Variants in CDK11A observed in about 807,000 individuals in gnomAD.
CDK11A encodes the protein cyclin dependent kinase 11A, also known as cyclin-dependent kinase 11A.
Under a neutral mutation model 83.6 loss-of-function variants are expected in CDK11A, and 55 were observed. That is an observed-to-expected ratio of 0.66 (90% confidence interval 0.53 to 0.82). The LOEUF is 0.82. Ranked by LOEUF, CDK11A falls within the 40% of genes least tolerant of loss-of-function variation. The pLI is 0.00. For missense variants in CDK11A, 564 were observed against 810.1 expected (o/e 0.70, Z 3.69); for synonymous variants, 247 against 302.7 (o/e 0.82, Z 1.91).
intron 3 of CDK11A, among the ~76,000 whole-genome samples, chr1:1,719,672 G>A (rs1405080154): frequency 7.2e-6 from 1 of 138,304 alleles, no homozygotes; most frequent in African/African-American, 2.7e-5. Context: ...CTGGAGTGTA[G>A]ACACGCGATC....
intron 9 of CDK11A, among the ~76,000 whole-genome samples, 167 bp downstream of exon 9, chr1:1,708,627 C>G (rs1414605403): frequency 7.6e-6 from 1 of 132,326 alleles, no homozygotes; most frequent in East Asian, 2.2e-4. Context: ...GGCAACAGAT[C>G]AAGATTCCAT....
chr1:1,703,979 C>T lies in CDK11A; in HGVS notation c.1795-39G>A, dbSNP rs193244886. On this transcript the variant is annotated intron_variant, in intron 16 of 19. Coordinates refer to ENST00000404249, the MANE Select transcript of CDK11A (RefSeq NM_024011.4). ...AGAGGTGTTCAGGAAGGCCAGTGCC[C>T]GCGAAGCTGTGGGAGGCTGCATGGG... The T allele has an allele frequency of 9.3e-6, 15 of 1,607,440 alleles. 1 individual carries two copies. Among genetic ancestry groups the T allele is most frequent in the African/African-American group, 4.0e-5 (3 of 74,574 alleles).
In CDK11A at chr1:1,704,128, C is replaced by A; in HGVS notation, c.1705G>T (p.Ala569Ser). The change falls in exon 16 of 20, where the codon GCG becomes TCG. Residue 569 changes from alanine to serine, a missense_variant. By Grantham distance (99) the Ala-to-Ser change is moderately conservative (BLOSUM62 1). This residue lies in a region of CDK11A where 361 missense variants were observed against 402.7 expected (regional missense o/e 0.90). Coordinates refer to ENST00000404249, the MANE Select transcript of CDK11A (RefSeq NM_024011.4). ...GILKVGDFGLAREYGSPLKAY... is the reference protein window; with the variant it reads ...GILKVGDFGLSREYGSPLKAY... ...TTCAGAGGGGATCCGTACTCCCGCG[C>A]CAGCCCAAAATCACCCACCTGCAAC... The A allele has an allele frequency of 6.2e-7, 1 of 1,604,732 alleles. No individual in the cohort carries two copies. Among genetic ancestry groups the A allele is most frequent in the Non-Finnish European group, 8.5e-7 (1 of 1,174,540 alleles).
At chr1:1,706,086 T>A (rs1325242677) in intron 11 of CDK11A, among the ~76,000 whole-genome samples, 1 of 150,906 alleles carries the variant, frequency 6.6e-6, no homozygotes, top group Non-Finnish European at 1.5e-5. Flanking sequence ...TCTTTTTTTC[T>A]TTTTGAGATG....
intron 3 of CDK11A, among the ~76,000 whole-genome samples, chr1:1,720,843 C>A (rs112607559): frequency 1.3e-5 from 2 of 151,228 alleles, no homozygotes; most frequent in East Asian, 3.9e-4. Flanking sequence ...AGGTGTACAC[C>A]ACCATGCCAG....
At position 1,715,795 on chromosome 1, in the gene CDK11A, A is replaced by T. The variant is rs568623756; in HGVS notation, c.488+551T>A. ...CTACAGCCTTTTTCCTGGTTCACAG[A>T]ACAGATCTGGGGCTACACCGATGTT... On this transcript the variant is annotated intron_variant, in intron 5 of 19. Coordinates refer to ENST00000404249, the MANE Select transcript of CDK11A (RefSeq NM_024011.4). Among the ~76,000 whole-genome samples, 14 of 151,112 alleles carry T rather than the reference A, an allele frequency of 9.3e-5. 1 individual carries two copies. The highest frequency in any genetic ancestry group is 1.9e-4 in the Non-Finnish European group (13 of 67,654).
chr1:1,712,014 C>T (rs1444833406), intron 6 of CDK11A, among the ~76,000 whole-genome samples: 1 of 122,802 alleles, frequency 8.1e-6, no homozygotes, highest in Non-Finnish European at 1.8e-5. Context: ...CCTGTAATCC[C>T]TGCTACTCCG....
At chr1:1,719,827 A>G (rs12137617) in intron 3 of CDK11A, among the ~76,000 whole-genome samples, 124,516 of 150,290 alleles carry the variant, frequency 0.83, 53,312 homozygotes, top group Non-Finnish European at 0.93. Context: ...GTGTTAGCCA[A>G]GATGGTCTCA....
In CDK11A at chr1:1,707,463, G is replaced by A. The variant is rs758023910; in HGVS notation, c.1191C>T (p.Ala397=). 2 of 1,607,672 alleles carry A rather than the reference G, an allele frequency of 1.2e-6. No homozygotes were observed. The highest frequency in any genetic ancestry group is 1.7e-6 in the Non-Finnish European group (2 of 1,175,914). The change falls in exon 11 of 20, where the codon GCC becomes GCT. Residue 397 remains alanine, a synonymous_variant. Transcript: ENST00000404249. ...TEGDYVPDSP[A]LLPIELKQEL... Reference sequence around the variant, plus strand: ...CCTGCTTGAGCTCGATGGGCAACAGGGCAGGGGAGTCGGGCACATAGTCGC... The same window carrying A: ...CCTGCTTGAGCTCGATGGGCAACAGAGCAGGGGAGTCGGGCACATAGTCGC...
rs772904143 is a variant in CDK11A at position 1,708,254 on chromosome 1, G to A, written c.1004-9C>T. Reference sequence around the variant, plus strand: ...TTCCTCACTTACTTCTTCTGCAAGAGAAAGGAGGCGTCTGCTCAGACCAGC... The same window carrying A: ...TTCCTCACTTACTTCTTCTGCAAGAAAAAGGAGGCGTCTGCTCAGACCAGC... On this transcript the variant is annotated splice_polypyrimidine_tract_variant and intron_variant, in intron 9 of 19. Transcript: ENST00000404249. The A allele has an allele frequency of 6.6e-6, 10 of 1,519,854 alleles. No homozygotes were observed. In the Admixed American group the frequency reaches 1.9e-4, roughly 29 times the overall value. 94.1% of individuals were successfully genotyped at this position (1,519,854 alleles called of 1,614,324 possible). A position where few individuals can be genotyped will look rare whatever the true frequency, so the allele number is the denominator to read the frequency against.
At chr1:1,709,230 C>CTTTGA in intron 7 of CDK11A, 97 bp from the exon 8 acceptor site, 2 of 618,482 alleles carry the variant, frequency 3.2e-6, no homozygotes, top group Middle Eastern at 1.0e-3. Flanking sequence ...TAACGATTAA[C>CTTTGA]TTTGCTTGGT....
rs2377229 is a variant in CDK11A at position 1,704,724 on chromosome 1, A to C, written c.1459-69T>G. On this transcript the variant is annotated intron_variant, in intron 13 of 19. Transcript: ENST00000404249. ...CACCCACCCCTGCACCCGGGCGCAGATGCTGAGGGACAGTAAGGACCTCCG... is the reference window on the plus strand; with the variant it reads ...CACCCACCCCTGCACCCGGGCGCAGCTGCTGAGGGACAGTAAGGACCTCCG... The C allele has an allele frequency of 9.7e-3, 15,264 of 1,572,856 alleles. 736 individuals carry two copies. Among genetic ancestry groups the C allele is most frequent in the South Asian group, 0.021 (1,839 of 88,210 alleles).
At chr1:1,706,576 T>C (rs893446320) in intron 11 of CDK11A, among the ~76,000 whole-genome samples, 1 of 151,126 alleles carries the variant, frequency 6.6e-6, no homozygotes, top group African/African-American at 2.4e-5. Context: ...GGAGAGTCTC[T>C]CTGTCAAAGT....
intron 4 of CDK11A, chr1:1,719,083 C>G (rs1242456168): frequency 3.9e-6 from 1 of 259,236 alleles, no homozygotes; most frequent in Non-Finnish European, 7.3e-6. Context: ...GGTTTTCGGT[C>G]TGTGACGCAC....
At chr1:1,721,006 G>A (rs142689872) in intron 3 of CDK11A, among the ~76,000 whole-genome samples, 1,681 of 150,710 alleles carry the variant, frequency 0.011, 70 homozygotes, top group Middle Eastern at 0.056. Context: ...GAGGTGGACG[G>A]ATCACCAGGT....
At chr1:1,719,976 A>C (rs943787041) in intron 3 of CDK11A, among the ~76,000 whole-genome samples, 1 of 150,682 alleles carries the variant, frequency 6.6e-6, no homozygotes, top group African/African-American at 2.4e-5. Context: ...GATGGAACGA[A>C]ATGCCTCTCA....
Position 1,721,623 on chromosome 1 carries a change from T to C in CDK11A, c.200A>G (p.Tyr67Cys), listed in dbSNP as rs773403139. 2 of 1,607,512 alleles carry C rather than the reference T, an allele frequency of 1.2e-6. No homozygotes were observed. Among genetic ancestry groups the C allele is most frequent in the African/African-American group, 1.3e-5 (1 of 74,656 alleles). Residue 67 changes from tyrosine to cysteine, a missense_variant, in exon 3 of 20, where the codon TAT becomes TGT. Tyr to Cys is a radical substitution (Grantham distance 194). Coordinates refer to ENST00000404249, the MANE Select transcript of CDK11A (RefSeq NM_024011.4). ...CMEITIRNSPYRREDSMEDRG... is the reference protein window; with the variant it reads ...CMEITIRNSPCRREDSMEDRG... ...GTCTTCCATTGAGTCTTCTCTTCTATACGGGGAGTTCCTTATTGTGATCTC... is the reference window on the plus strand; with the variant it reads ...GTCTTCCATTGAGTCTTCTCTTCTACACGGGGAGTTCCTTATTGTGATCTC...
rs1409045322 is a variant in CDK11A at position 1,705,578 on chromosome 1, C to G, written c.1336+64G>C. ...GAAGCGGGCCCAGGTGCAGTCGCAG[C>G]TCTCGGGCAGCCAGCCCCTGCCCCA... On this transcript the variant is annotated intron_variant, in intron 12 of 19. Transcript: ENST00000404249. The G allele has an allele frequency of 1.1e-4, 53 of 479,896 alleles. 8 individuals carry two copies. Among genetic ancestry groups the G allele is most frequent in the Non-Finnish European group, 1.5e-4 (44 of 284,022 alleles). The allele number at this position is 479,896 out of a possible 1,614,324, so 29.7% of individuals were successfully genotyped here.
At chr1:1,716,727 A>C (rs1644667210) in intron 4 of CDK11A, among the ~76,000 whole-genome samples, 1 of 144,554 alleles carries the variant, frequency 6.9e-6, no homozygotes, top group South Asian at 2.2e-4. Context: ...AGGCTGTAGA[A>C]TCACTTGAAC....
Sources: gnomAD v4.1 joint callset for allele counts (sites outside exome capture counted in the v4.1 genomes callset) on GRCh38, gnomAD v4.1.1 for gene constraint, gnomAD v4.1.1 regional missense constraint, MANE v1.5 for transcripts, NCBI Gene and HGNC (gene_info 2026-07-23, HGNC 2026-07-21) for gene names.